Variants in ARL3 observed in about 807,000 individuals in gnomAD.
ARL3 encodes the protein ARF like GTPase 3, also known as ADP-ribosylation factor-like protein 3.
In ARL3, 9 loss-of-function variants were observed where a neutral mutation model predicts 26.0. The observed-to-expected ratio is 0.35, with a 90% CI of 0.21 to 0.60. The LOEUF (loss-of-function observed/expected upper bound fraction) is 0.60. ARL3 is among the 20% of genes least tolerant of loss of function. ARL3 has a pLI of 0.78. For synonymous variants in ARL3, 71 were observed against 78.4 expected (o/e 0.91, Z 0.50); for missense variants, 158 against 215.7 (o/e 0.73, Z 1.67).
chr10:102,705,191 A>C (rs1301370607), intron 2 of ARL3, among the ~76,000 whole-genome samples, 155 bp downstream of exon 2: 1 of 152,176 alleles, frequency 6.6e-6, no homozygotes, highest in East Asian at 1.9e-4. Flanking sequence ...GGAATCTCTT[A>C]CATATTTTTG....
rs2064266212 is a variant in ARL3 at position 102,699,411 on chromosome 10, G to A, written c.226C>T (p.Pro76Ser). 1 of 1,611,590 alleles carries A rather than the reference G, an allele frequency of 6.2e-7. No individual in the cohort carries two copies. The highest frequency in any genetic ancestry group is 2.2e-5 in the East Asian group (1 of 44,802). The change falls in exon 3 of 6, where the codon CCA (proline) becomes TCA (serine). Residue 76 changes from proline to serine, a missense_variant. By Grantham distance (74) the Pro-to-Ser change is moderately conservative. Coordinates refer to ENST00000260746, the MANE Select transcript of ARL3 (RefSeq NM_004311.4). ...TTTTCAAAATAATTCTTCCAGTATG[G>A]TCTGATTTTCCTCTGTCCACCAATG... ...WDIGGQRKIR[P>S]YWKNYFENTD...
At chr10:102,684,209 T>C (rs2064169869) in intron 5 of ARL3, among the ~76,000 whole-genome samples, 1 of 152,170 alleles carries the variant, frequency 6.6e-6, no homozygotes, top group Non-Finnish European at 1.5e-5. Context: ...AGTGCAGTAG[T>C]GCAATCTCAG....
rs148210132 is a variant in ARL3, at chr10:102,704,571, C to T, written c.147+775G>A. On this transcript the variant is annotated intron_variant, in intron 2 of 5. Coordinates refer to ENST00000260746, the MANE Select transcript of ARL3 (RefSeq NM_004311.4). ...CCAAGAATCGCTTGAACCTGGGAGGCGGAGGTTGCAGTGAGCCAAGATTGC... is the reference window on the plus strand; with the variant it reads ...CCAAGAATCGCTTGAACCTGGGAGGTGGAGGTTGCAGTGAGCCAAGATTGC... 1.0e-3 allele frequency among the ~76,000 whole-genome samples: 156 copies of T among 152,098 alleles called. 2 individuals are homozygous for T. Among genetic ancestry groups the T allele is most frequent in the Admixed American group, 9.7e-3 (148 of 15,264 alleles).
chr10:102,694,281 G>A (rs752085534), intron 3 of ARL3, among the ~76,000 whole-genome samples: 1 of 152,164 alleles, frequency 6.6e-6, no homozygotes, highest in Non-Finnish European at 1.5e-5. Context: ...GAGCCACCGC[G>A]CCCGGCTGCT....
At chr10:102,689,753 G>A (rs1217890140) in intron 4 of ARL3, 140 bp downstream of exon 4, 3 of 399,158 alleles carry the variant, frequency 7.5e-6, no homozygotes, top group African/African-American at 4.2e-5. Flanking sequence ...GCTTGAACCT[G>A]GGAGGCGGAG....
At position 102,675,315 on chromosome 10, in the gene ARL3, C is replaced by G. The variant is rs1204249698; in HGVS notation, c.*1579G>C. Reference sequence around the variant, plus strand: ...CTTTCATGTCAGATCGCTTTTGAAGCTGGCTATGCCTCAGTCTCTGCTGCA... The same window carrying G: ...CTTTCATGTCAGATCGCTTTTGAAGGTGGCTATGCCTCAGTCTCTGCTGCA... On this transcript the variant is annotated 3_prime_UTR_variant, in exon 6 of 6. Coordinates refer to ENST00000260746, the MANE Select transcript of ARL3 (RefSeq NM_004311.4). The G allele has an allele frequency of 6.6e-6, 1 of 152,300 alleles. No individual in the cohort carries two copies. The highest frequency in any genetic ancestry group is 1.5e-5 in the Non-Finnish European group (1 of 68,100). 9.4% of individuals were successfully genotyped at this position (152,300 alleles called of 1,614,324 possible). A position where few individuals can be genotyped will look rare whatever the true frequency, so the allele number is the denominator to read the frequency against.
rs1206169233 is a variant in ARL3 at position 102,674,319 on chromosome 10, C to T, written c.*2575G>A. The T allele has an allele frequency of 6.6e-6, 1 of 152,266 alleles. No individual in the cohort carries two copies. Among genetic ancestry groups the T allele is most frequent in the Admixed American group, 6.5e-5 (1 of 15,286 alleles). 9.4% of individuals were successfully genotyped at this position (152,266 alleles called of 1,614,324 possible). Reference sequence around the variant, plus strand: ...CCCACATCAATGACACCCTTGTTTCCATAGTAACCAAGGGAGAGTGAAGGG... The same window carrying T: ...CCCACATCAATGACACCCTTGTTTCTATAGTAACCAAGGGAGAGTGAAGGG... On this transcript the variant is annotated 3_prime_UTR_variant, in exon 6 of 6. Coordinates refer to ENST00000260746, the MANE Select transcript of ARL3 (RefSeq NM_004311.4).
intron 2 of ARL3, among the ~76,000 whole-genome samples, chr10:102,703,312 G>C (rs1050255297): frequency 1.3e-5 from 2 of 151,356 alleles, no homozygotes; most frequent in Non-Finnish European, 2.9e-5. Context: ...AGTAGAGACA[G>C]GATTTCACCA....
At chr10:102,705,818 T>C (rs2064307986) in intron 1 of ARL3, among the ~76,000 whole-genome samples, 1 of 152,132 alleles carries the variant, frequency 6.6e-6, no homozygotes, top group Admixed American at 6.6e-5. Context: ...AGCAGAACAT[T>C]CATCATATCA....
At chr10:102,706,393 A>G (rs2064311572) in intron 1 of ARL3, among the ~76,000 whole-genome samples, 1 of 152,036 alleles carries the variant, frequency 6.6e-6, no homozygotes, top group South Asian at 2.1e-4. Flanking sequence ...CGGAGGTTGC[A>G]GTGAGCCGAT....
rs1564727084 is a variant in ARL3 at position 102,675,409 on chromosome 10, C to T, written c.*1485G>A. The stretch of plus-strand genomic sequence containing the variant: ...GCGGCCCCTTCAGTCTGCTCACACG[C>T]CCTGATGGGCTTGGGAAGGGCCACC... On this transcript the variant is annotated 3_prime_UTR_variant, in exon 6 of 6. Coordinates refer to ENST00000260746, the MANE Select transcript of ARL3 (RefSeq NM_004311.4). The T allele has an allele frequency of 6.6e-6, 1 of 152,302 alleles. No individual in the cohort carries two copies. The highest frequency in any genetic ancestry group is 2.1e-4 in the South Asian group (1 of 4,836). The allele number at this position is 152,302 out of a possible 1,614,324, so 9.4% of individuals were successfully genotyped here.
intron 1 of ARL3, among the ~76,000 whole-genome samples, chr10:102,706,784 G>A (rs541764981): frequency 1.0e-3 from 158 of 152,032 alleles, no homozygotes; most frequent in African/African-American, 3.6e-3. Context: ...CAATTCTTGT[G>A]CCTCAGCCTC....
intron 1 of ARL3, among the ~76,000 whole-genome samples, chr10:102,711,116 C>A (rs2136011860): frequency 6.6e-6 from 1 of 152,286 alleles, no homozygotes; most frequent in East Asian, 1.9e-4. Flanking sequence ...GAACTCCTAT[C>A]AGCTTAAAGC....
intron 3 of ARL3, among the ~76,000 whole-genome samples, chr10:102,692,707 G>A (rs918370142): frequency 2.1e-5 from 3 of 146,036 alleles, no homozygotes; most frequent in Non-Finnish European, 3.0e-5. Flanking sequence ...TGAGCCCTCC[G>A]TGTCTTTTTT....
chr10:102,676,804 G>A lies in ARL3; in HGVS notation c.*90C>T, dbSNP rs910001826. The A allele has an allele frequency of 1.1e-4, 156 of 1,378,738 alleles. No individual in the cohort carries two copies. Among genetic ancestry groups the A allele is most frequent in the Non-Finnish European group, 1.5e-4 (147 of 977,150 alleles). 85.4% of individuals were successfully genotyped at this position (1,378,738 alleles called of 1,614,324 possible). ...CAAACAGCTGGAGCTGTACACAGAT[G>A]GAAAAACATTTGGTCAGAAAGCAGC... On this transcript the variant is annotated 3_prime_UTR_variant, in exon 6 of 6. Coordinates refer to ENST00000260746, the MANE Select transcript of ARL3 (RefSeq NM_004311.4).
chr10:102,703,871 C>T (rs114354062), intron 2 of ARL3, among the ~76,000 whole-genome samples: 2,279 of 149,702 alleles, frequency 0.015, 54 homozygotes, highest in African/African-American at 0.053. Flanking sequence ...GGTAATTGGC[C>T]GGGCAAGGTG....
intron 1 of ARL3, among the ~76,000 whole-genome samples, chr10:102,707,645 C>T (rs1422934523): frequency 2.6e-5 from 4 of 152,356 alleles, no homozygotes; most frequent in East Asian, 1.9e-4. Flanking sequence ...TCAACAACTG[C>T]ATCTTTGGAC....
At chr10:102,713,369 T>C (rs918848074) in intron 1 of ARL3, among the ~76,000 whole-genome samples, 7 of 152,350 alleles carry the variant, frequency 4.6e-5, no homozygotes, top group African/African-American at 1.7e-4. Flanking sequence ...AAAGCTTTAA[T>C]TGGGACTGAC....
intron 4 of ARL3, among the ~76,000 whole-genome samples, chr10:102,686,828 C>T (rs1016393167): frequency 6.9e-6 from 1 of 145,048 alleles, no homozygotes; most frequent in Non-Finnish European, 1.5e-5. Flanking sequence ...CCCAGAGATG[C>T]TGACTTTGGA....
Sources: allele counts gnomAD v4.1 joint callset (sites outside exome capture counted in the v4.1 genomes callset), GRCh38; gene constraint gnomAD v4.1.1; transcripts MANE v1.5; gene names NCBI Gene and HGNC (gene_info 2026-07-23, HGNC 2026-07-21).